FAM117B: variants seen among roughly 807,000 people sequenced by gnomAD.
The protein encoded by FAM117B is family with sequence similarity 117 member B, also known as protein FAM117B.
A neutral mutation model predicts 52.8 loss-of-function variants in FAM117B; 22 were observed. The observed-to-expected ratio is 0.42, with a 90% CI of 0.30 to 0.59. FAM117B has a LOEUF of 0.59. Among genes scored for constraint, FAM117B ranks in the 20% least tolerant of loss-of-function variants. FAM117B has a pLI of 0.22. For synonymous variants in FAM117B, 309 were observed against 324.1 expected (o/e 0.95, Z 0.50); for missense variants, 678 against 802.6 (o/e 0.84, Z 1.88).
In FAM117B at chr2:202,769,048, T is replaced by A. The variant is rs1436293126; in HGVS notation, c.*3284T>A. The stretch of plus-strand genomic sequence containing the variant: ...TGGTTACATGTGGTGAGCATGGATG[T>A]CAAGATTATTTTTCAACTAGATTAT... On this transcript the variant is annotated 3_prime_UTR_variant, in exon 8 of 8. Transcript: ENST00000392238. 1 of 152,204 alleles carries A rather than the reference T, an allele frequency of 6.6e-6. No homozygotes were observed. Among genetic ancestry groups the A allele is most frequent in the Non-Finnish European group, 1.5e-5 (1 of 68,038 alleles). 9.4% of individuals were successfully genotyped at this position (152,204 alleles called of 1,614,324 possible). A position where few individuals can be genotyped will look rare whatever the true frequency, so the allele number is the denominator to read the frequency against.
rs116177069 is a variant in FAM117B, at chr2:202,645,147, T to G, written c.601+9359T>G. ...TTTTTCAAAATTTCAAAATATATTT[T>G]CTTTTAAAAAATAGAGACTGAGTCT... On this transcript the variant is annotated intron_variant, in intron 1 of 7. Transcript: ENST00000392238. 5.8e-3 allele frequency among the ~76,000 whole-genome samples: 878 copies of G among 152,288 alleles called. 8 individuals are homozygous for G. Among genetic ancestry groups the G allele is most frequent in the African/African-American group, 0.02 (848 of 41,572 alleles).
chr2:202,722,178 T>G lies in FAM117B; in HGVS notation c.754-2739T>G, dbSNP rs1691166267. Among the ~76,000 whole-genome samples, 4 of 151,744 alleles carry G rather than the reference T, an allele frequency of 2.6e-5. No homozygotes were observed. In the South Asian group the frequency reaches 8.4e-4, roughly 32 times the overall value. The stretch of plus-strand genomic sequence containing the variant: ...CGTGCCTGCCACCACGCCCGGCTAA[T>G]TTTTTGTACTTTTTGTAGAGACGGG... On this transcript the variant is annotated intron_variant, in intron 2 of 7. Transcript: ENST00000392238.
intron 4 of FAM117B, among the ~76,000 whole-genome samples, chr2:202,738,746 T>C (rs561418298): frequency 6.6e-6 from 1 of 152,202 alleles, no homozygotes; most frequent in South Asian, 2.1e-4. Flanking sequence ...AAAATGGGGG[T>C]AGTAACTGCC....
intron 1 of FAM117B, among the ~76,000 whole-genome samples, chr2:202,638,677 A>C (rs982841152): frequency 6.6e-6 from 1 of 152,218 alleles, no homozygotes; most frequent in Non-Finnish European, 1.5e-5. Flanking sequence ...GGTATAATAA[A>C]AAATAATTTG....
chr2:202,729,235 G>A (rs150867072), intron 4 of FAM117B, among the ~76,000 whole-genome samples: 149 of 152,276 alleles, frequency 9.8e-4, no homozygotes, highest in African/African-American at 3.0e-3. Context: ...TTGAGAGGCT[G>A]AGGCAGGAGA....
rs534958874 is a variant in FAM117B, at chr2:202,678,362, T to C, written c.602-17519T>C. On this transcript the variant is annotated intron_variant, in intron 1 of 7. Coordinates refer to ENST00000392238, the MANE Select transcript of FAM117B (RefSeq NM_173511.4). ...AGGTGGTGTTTGATTTGCATAGGGC[T>C]CAGGGGATTGATTTGACCAGGCATG... 3.9e-5 allele frequency among the ~76,000 whole-genome samples: 6 copies of C among 152,236 alleles called. No homozygotes were observed. The East Asian group carries it at 9.7e-4, about 24-fold the overall frequency.
At chr2:202,708,396 A>T (rs1220711707) in intron 2 of FAM117B, among the ~76,000 whole-genome samples, 5 of 152,104 alleles carry the variant, frequency 3.3e-5, no homozygotes, top group African/African-American at 1.2e-4. Flanking sequence ...ATACTGCAGA[A>T]TTTCTTTTTT....
At chr2:202,663,580 CTT>C (rs11368989) in intron 1 of FAM117B, among the ~76,000 whole-genome samples, 2 of 138,934 alleles carry the variant, frequency 1.4e-5, no homozygotes, top group Admixed American at 7.3e-5. Context: ...CACATTAAGC[CTT>C]TTTTTTTTTT....
At chr2:202,721,180 T>G (rs1691146252) in intron 2 of FAM117B, among the ~76,000 whole-genome samples, 1 of 152,196 alleles carries the variant, frequency 6.6e-6, no homozygotes, top group Admixed American at 6.5e-5. Context: ...CTATAAGCTC[T>G]GAATTAAATA....
chr2:202,635,848 G>C (rs1422597766), intron 1 of FAM117B, 60 bp downstream of exon 1: 6 of 1,346,514 alleles, frequency 4.5e-6, no homozygotes, highest in Non-Finnish European at 5.7e-6. Flanking sequence ...TCCCGGGCGC[G>C]CGCTGCAATC....
At chr2:202,691,573 C>T (rs1426724862) in intron 1 of FAM117B, among the ~76,000 whole-genome samples, 1 of 150,856 alleles carries the variant, frequency 6.6e-6, no homozygotes, top group African/African-American at 2.5e-5. Context: ...ACTGAAGCAA[C>T]AATGGTCATA....
intron 2 of FAM117B, among the ~76,000 whole-genome samples, chr2:202,707,558 G>C (rs1027477336): frequency 1.3e-5 from 2 of 151,686 alleles, no homozygotes; most frequent in Admixed American, 6.6e-5. Flanking sequence ...ACAAAAAATT[G>C]GCCAGGTGTG....
In FAM117B at chr2:202,634,996, C is replaced by G. The variant is rs890086219; in HGVS notation, c.-192C>G. The stretch of plus-strand genomic sequence containing the variant: ...AGGAGACACTATTGTTGATGAGGAG[C>G]GGCGGCGGCGGCGGCGGCGGCTGCA... On this transcript the variant is annotated 5_prime_UTR_variant, in exon 1 of 8. Coordinates refer to ENST00000392238, the MANE Select transcript of FAM117B (RefSeq NM_173511.4). Among the ~76,000 whole-genome samples the G allele has an allele frequency of 1.7e-4, 12 of 70,994 alleles. No homozygotes were observed. The East Asian group carries it at 2.0e-3, about 12-fold the overall frequency. The allele number at this position is 70,994 out of a possible 152,430, so 46.6% of individuals were successfully genotyped here.
chr2:202,738,258 G>A (rs1261823987), intron 4 of FAM117B, among the ~76,000 whole-genome samples: 1 of 152,056 alleles, frequency 6.6e-6, no homozygotes, highest in South Asian at 2.1e-4. Context: ...AATTTTGTTG[G>A]CAGTATATTA....
intron 4 of FAM117B, among the ~76,000 whole-genome samples, chr2:202,746,045 A>T (rs1184738198): frequency 6.6e-6 from 1 of 152,228 alleles, no homozygotes; most frequent in East Asian, 1.9e-4. Context: ...GATCATCTAT[A>T]TAGAAAGTCA....
At chr2:202,658,017 C>A (rs1037640640) in intron 1 of FAM117B, among the ~76,000 whole-genome samples, 1 of 152,196 alleles carries the variant, frequency 6.6e-6, no homozygotes, top group Non-Finnish European at 1.5e-5. Context: ...GTTTCTTTAG[C>A]CTCTTTACAT....
rs116428517 is a variant in FAM117B, at chr2:202,744,403, C to T, written c.961-11135C>T. Among the ~76,000 whole-genome samples, 345 of 152,320 alleles carry T rather than the reference C, an allele frequency of 2.3e-3. 1 individual carries two copies. Among genetic ancestry groups the T allele is most frequent in the African/African-American group, 7.8e-3 (325 of 41,574 alleles). The stretch of plus-strand genomic sequence containing the variant: ...TGCAGGAACTAACGGAGTGAATTCA[C>T]TTCTTCCCTAGAGAAAAGTATTAAT... On this transcript the variant is annotated intron_variant, in intron 4 of 7. Transcript: ENST00000392238.
chr2:202,714,211 T>C (rs1691001676), intron 2 of FAM117B, among the ~76,000 whole-genome samples: 1 of 152,154 alleles, frequency 6.6e-6, no homozygotes. Flanking sequence ...TGTTAAGACT[T>C]TTTTTTGTGA....
chr2:202,710,971 A>C (rs1479037444), intron 2 of FAM117B, among the ~76,000 whole-genome samples: 1 of 152,236 alleles, frequency 6.6e-6, no homozygotes, highest in South Asian at 2.1e-4. Flanking sequence ...ATGGACACTT[A>C]GGTTGCTTCC....
Sources: allele counts gnomAD v4.1 joint callset (sites outside exome capture counted in the v4.1 genomes callset), GRCh38; gene constraint gnomAD v4.1.1; transcripts MANE v1.5; gene names NCBI Gene and HGNC (gene_info 2026-07-23, HGNC 2026-07-21).